PPP2R5E: variants seen among roughly 807,000 people sequenced by gnomAD.
PPP2R5E encodes the protein serine/threonine-protein phosphatase 2A 56 kDa regulatory subunit epsilon isoform.
PPP2R5E carries 4 observed loss-of-function variants against 65.3 expected under a neutral mutation model. That is an observed-to-expected ratio of 0.06 (90% CI 0.03 to 0.14). The LOEUF (loss-of-function observed/expected upper bound fraction) is 0.14. Among genes scored for constraint, PPP2R5E ranks in the 10% least tolerant of loss-of-function variants. The pLI is 1.00. For synonymous variants in PPP2R5E, 183 were observed against 187.4 expected (o/e 0.98, Z 0.19); for missense variants, 274 against 556.1 (o/e 0.49, Z 5.10).
chr14:63,413,945 C>T (rs1886548037), intron 5 of PPP2R5E, among the ~76,000 whole-genome samples: 1 of 152,126 alleles, frequency 6.6e-6, no homozygotes, highest in Non-Finnish European at 1.5e-5. Flanking sequence ...ATAGGGTGTA[C>T]AGGTACTAAT....
intron 5 of PPP2R5E, among the ~76,000 whole-genome samples, chr14:63,400,422 T>C (rs7157776): frequency 0.034 from 5,122 of 152,192 alleles, 312 homozygotes; most frequent in African/African-American, 0.12. Context: ...GAGTTAGAAG[T>C]GGGATATGAG....
At chr14:63,531,277 G>A (rs557717887) in intron 2 of PPP2R5E, among the ~76,000 whole-genome samples, 29 of 151,848 alleles carry the variant, frequency 1.9e-4, no homozygotes, top group Non-Finnish European at 3.2e-4. Flanking sequence ...AATGCTATCC[G>A]TCCCCCATCC....
chr14:63,476,227 T>C (rs1230351199), intron 2 of PPP2R5E, among the ~76,000 whole-genome samples: 1 of 152,160 alleles, frequency 6.6e-6, no homozygotes, highest in Non-Finnish European at 1.5e-5. Flanking sequence ...CAAAATGTAT[T>C]ATTTCTTCTT....
At chr14:63,440,389 G>C (rs1888161320) in intron 3 of PPP2R5E, among the ~76,000 whole-genome samples, 2 of 150,452 alleles carry the variant, frequency 1.3e-5, no homozygotes, top group South Asian at 4.2e-4. Context: ...GTAGGAGAGA[G>C]GGAGTGAAGA....
At chr14:63,443,734 A>G (rs1167116734) in intron 3 of PPP2R5E, among the ~76,000 whole-genome samples, 1 of 152,086 alleles carries the variant, frequency 6.6e-6, no homozygotes, top group Non-Finnish European at 1.5e-5. Context: ...GCTTCCATCC[A>G]AAGCCTGCTC....
intron 5 of PPP2R5E, among the ~76,000 whole-genome samples, chr14:63,412,628 T>A (rs1594845294): frequency 6.6e-6 from 1 of 152,168 alleles, no homozygotes; most frequent in East Asian, 1.9e-4. Context: ...GTAGGCTAGA[T>A]CCAGAAGGCA....
intron 3 of PPP2R5E, among the ~76,000 whole-genome samples, chr14:63,435,967 T>C (rs553692761): frequency 2.0e-5 from 3 of 152,312 alleles, no homozygotes; most frequent in East Asian, 1.9e-4. Context: ...AATCCAAAAA[T>C]AGACGTGTAA....
intron 2 of PPP2R5E, among the ~76,000 whole-genome samples, chr14:63,492,627 T>C (rs1460536246): frequency 6.6e-6 from 1 of 152,096 alleles, no homozygotes; most frequent in East Asian, 1.9e-4. Flanking sequence ...GTCATACCAG[T>C]TGGGTTTCTT....
chr14:63,469,693 C>CA (rs1890021332), intron 2 of PPP2R5E, among the ~76,000 whole-genome samples: 1 of 151,996 alleles, frequency 6.6e-6, no homozygotes, highest in South Asian at 2.1e-4. Flanking sequence ...GACTCCGTTT[C>CA]AAAAAAATCA....
chr14:63,471,598 T>G (rs898588605), intron 2 of PPP2R5E, among the ~76,000 whole-genome samples: 3 of 152,190 alleles, frequency 2.0e-5, no homozygotes, highest in Admixed American at 6.5e-5. Flanking sequence ...TTAACTCCTT[T>G]AATCCTTTCT....
chr14:63,522,078 CGATTGCAGGCACGCGCCGCCACGCCTG>C (rs1224610703), intron 2 of PPP2R5E, among the ~76,000 whole-genome samples: 1 of 149,434 alleles, frequency 6.7e-6, no homozygotes, highest in Non-Finnish European at 1.5e-5. Flanking sequence ...CGAGTGCCTG[CGATTGCAGGCACGCGCCGCCACGCCTG>C]ACTGGTTTTC....
At chr14:63,481,177 C>G (rs1890677891) in intron 2 of PPP2R5E, among the ~76,000 whole-genome samples, 1 of 152,158 alleles carries the variant, frequency 6.6e-6, no homozygotes, top group South Asian at 2.1e-4. Flanking sequence ...TTTGTCAGTG[C>G]TCTATCACAA....
At chr14:63,502,043 C>T (rs1891917507) in intron 2 of PPP2R5E, among the ~76,000 whole-genome samples, 2 of 152,174 alleles carry the variant, frequency 1.3e-5, no homozygotes, top group South Asian at 4.2e-4. Flanking sequence ...TATAGGCACG[C>T]ACCATCACGC....
intron 2 of PPP2R5E, among the ~76,000 whole-genome samples, chr14:63,513,941 T>G (rs61983977): frequency 0.042 from 6,358 of 152,288 alleles, 195 homozygotes; most frequent in Middle Eastern, 0.071. Flanking sequence ...GACACAAAGG[T>G]ACTATGCTCT....
intron 2 of PPP2R5E, among the ~76,000 whole-genome samples, chr14:63,497,465 GA>G (rs1345807711): frequency 6.6e-6 from 1 of 152,036 alleles, no homozygotes; most frequent in East Asian, 1.9e-4. Flanking sequence ...AAAAACACAT[GA>G]ACCTGGCCAG....
intron 8 of PPP2R5E, among the ~76,000 whole-genome samples, chr14:63,393,518 C>A (rs1309520551): frequency 6.6e-6 from 1 of 152,118 alleles, no homozygotes; most frequent in Admixed American, 6.5e-5. Context: ...CCCAGACCAT[C>A]TTGGCCAACA....
chr14:63,378,665 C>T (rs1482244489), intron 13 of PPP2R5E, among the ~76,000 whole-genome samples: 1 of 152,150 alleles, frequency 6.6e-6, no homozygotes, highest in Non-Finnish European at 1.5e-5. Context: ...TTTTCTCTCT[C>T]CCTGTAGGTG....
chr14:63,404,523 G>A (rs541819942), intron 5 of PPP2R5E, among the ~76,000 whole-genome samples: 2 of 152,252 alleles, frequency 1.3e-5, no homozygotes, highest in African/African-American at 4.8e-5. Context: ...CAGTGAATCA[G>A]AACGACTCAA....
At chr14:63,406,557 T>C (rs1886105888) in intron 5 of PPP2R5E, among the ~76,000 whole-genome samples, 2 of 152,326 alleles carry the variant, frequency 1.3e-5, no homozygotes, top group South Asian at 2.1e-4. Context: ...TGGGAGCGGA[T>C]TGGCAGCAGG....
Sources: allele counts gnomAD v4.1 joint callset (sites outside exome capture counted in the v4.1 genomes callset), GRCh38; gene constraint gnomAD v4.1.1; transcripts MANE v1.5; gene names NCBI Gene and HGNC (gene_info 2026-07-23, HGNC 2026-07-21).